ASTN2: variants seen among roughly 807,000 people sequenced by gnomAD.
The protein encoded by ASTN2 is astrotactin-2.
In ASTN2, 54 loss-of-function variants were observed where a neutral mutation model predicts 139.8. The ratio of observed to expected loss-of-function variants is 0.39; its 90% CI spans 0.31 to 0.48. The LOEUF (loss-of-function observed/expected upper bound fraction) is 0.48. Ranked by LOEUF, ASTN2 falls within the 20% of genes least tolerant of loss-of-function variation. The pLI is 0.95. For synonymous variants in ASTN2, 756 were observed against 719.5 expected, an observed-to-expected ratio of 1.05 and a Z score of -0.81; for missense variants, 1,565 against 1,725.1, an observed-to-expected ratio of 0.91 and a Z score of 1.64.
At chr9:116,768,570 G>A (rs10983343) in intron 13 of ASTN2, among the ~76,000 whole-genome samples, 71,883 of 152,038 alleles carry the variant, frequency 0.47, 17,225 homozygotes, top group South Asian at 0.59. Context: ...TGTCCCTGAT[G>A]AATTAATCTG....
chr9:116,444,940 T>G (rs1197134444), intron 20 of ASTN2, among the ~76,000 whole-genome samples: 6 of 151,652 alleles, frequency 4.0e-5, no homozygotes, highest in Non-Finnish European at 8.8e-5. Context: ...TTTAAGGAGG[T>G]GAGAGTAAGC....
intron 2 of ASTN2, among the ~76,000 whole-genome samples, chr9:117,275,694 T>A (rs1587901852): frequency 1.3e-5 from 2 of 151,806 alleles, no homozygotes; most frequent in Non-Finnish European, 2.9e-5. Flanking sequence ...GCCTCCCAAG[T>A]AGCTGTGATT....
chr9:116,673,882 T>A (rs803901), intron 16 of ASTN2, among the ~76,000 whole-genome samples: 117,081 of 152,162 alleles, frequency 0.77, 45,701 homozygotes, highest in African/African-American at 0.89. Flanking sequence ...CCACCTTTGC[T>A]AAACTATGAC....
rs559795384 is a variant in ASTN2 at position 117,041,375 on chromosome 9, A to G, written c.1277-1410T>C. ...TAATAACACGTTCAAAACAGGGTACATTATCTTCTCCTTAAAGCCTCCCCC... is the reference window on the plus strand; with the variant it reads ...TAATAACACGTTCAAAACAGGGTACGTTATCTTCTCCTTAAAGCCTCCCCC... On this transcript the variant is annotated intron_variant, in intron 5 of 22. Transcript: ENST00000313400. 1.1e-4 allele frequency among the ~76,000 whole-genome samples: 17 copies of G among 152,184 alleles called. No homozygotes were observed. In the South Asian group the frequency reaches 1.2e-3, roughly 11 times the overall value.
At chr9:117,193,592 G>A (rs1831405472) in intron 3 of ASTN2, among the ~76,000 whole-genome samples, 1 of 141,002 alleles carries the variant, frequency 7.1e-6, no homozygotes, top group Non-Finnish European at 1.5e-5. Flanking sequence ...AAGCCAAGAT[G>A]GTGCTACTAC....
chr9:116,737,610 CGTGTGT>C (rs57891581), intron 13 of ASTN2, among the ~76,000 whole-genome samples: 17,246 of 137,256 alleles, frequency 0.13, 1,279 homozygotes, highest in Non-Finnish European at 0.18. Context: ...CATGTGCCAA[CGTGTGT>C]GTGTGTGTGT....
At chr9:116,616,613 ATTTG>A (rs148643376) in intron 19 of ASTN2, among the ~76,000 whole-genome samples, 1,710 of 152,138 alleles carry the variant, frequency 0.011, 25 homozygotes, top group African/African-American at 0.039. Context: ...ATTGTTTTTT[ATTTG>A]TTTGTTTTAA....
At chr9:116,836,448 G>C (rs1831994713) in intron 11 of ASTN2, among the ~76,000 whole-genome samples, 1 of 152,118 alleles carries the variant, frequency 6.6e-6, no homozygotes, top group African/African-American at 2.4e-5. Context: ...CCATGGGGAG[G>C]GGTGTGTTCA....
At chr9:116,477,571 AG>A (rs1247189538) in intron 20 of ASTN2, among the ~76,000 whole-genome samples, 1 of 149,088 alleles carries the variant, frequency 6.7e-6, no homozygotes, top group African/African-American at 2.5e-5. Flanking sequence ...TGGGTGTCGG[AG>A]GAGGAAAGTG....
chr9:116,812,446 G>A (rs889869909), intron 12 of ASTN2, among the ~76,000 whole-genome samples: 1 of 152,182 alleles, frequency 6.6e-6, no homozygotes, highest in African/African-American at 2.4e-5. Context: ...CGGACCATGA[G>A]TCAATGAATG....
intron 6 of ASTN2, among the ~76,000 whole-genome samples, chr9:117,022,813 G>C (rs966117698): frequency 1.3e-5 from 2 of 152,110 alleles, no homozygotes; most frequent in Non-Finnish European, 2.9e-5. Flanking sequence ...ATGGTGGATG[G>C]AATCAGAGTG....
intron 4 of ASTN2, among the ~76,000 whole-genome samples, chr9:117,116,581 T>TG (rs1748816844): frequency 3.2e-5 from 1 of 31,446 alleles, no homozygotes; most frequent in African/African-American, 2.5e-4. Flanking sequence ...CATCAAAAGT[T>TG]TTTTTTTTTT....
At chr9:117,120,016 GTGTA>G (rs1564435458) in intron 4 of ASTN2, among the ~76,000 whole-genome samples, 2 of 33,822 alleles carry the variant, frequency 5.9e-5, no homozygotes, top group African/African-American at 1.5e-4. Context: ...GTGTGTGTGT[GTGTA>G]TATATATATA....
intron 16 of ASTN2, among the ~76,000 whole-genome samples, chr9:116,709,664 T>C (rs766447313): frequency 9.2e-5 from 14 of 152,204 alleles, no homozygotes; most frequent in African/African-American, 1.4e-4. Context: ...CATATATATA[T>C]ACTTATACTC....
intron 19 of ASTN2, among the ~76,000 whole-genome samples, chr9:116,524,756 A>C (rs540766123): frequency 6.6e-6 from 1 of 152,266 alleles, no homozygotes; most frequent in African/African-American, 2.4e-5. Context: ...CTTTCACATG[A>C]AAGTTGGCAT....
intron 7 of ASTN2, among the ~76,000 whole-genome samples, chr9:116,992,783 A>G (rs1291456234): frequency 6.6e-6 from 1 of 151,560 alleles, no homozygotes; most frequent in Non-Finnish European, 1.5e-5. Context: ...GTTCACCAGA[A>G]CCTCCCTGGG....
At chr9:116,751,814 G>T (rs1415921089) in intron 13 of ASTN2, among the ~76,000 whole-genome samples, 3 of 151,960 alleles carry the variant, frequency 2.0e-5, no homozygotes, top group Admixed American at 2.0e-4. Flanking sequence ...ATACATAGAA[G>T]ATCTATATAA....
intron 13 of ASTN2, among the ~76,000 whole-genome samples, chr9:116,800,226 T>A (rs1830808435): frequency 6.6e-6 from 1 of 152,132 alleles, no homozygotes; most frequent in Admixed American, 6.5e-5. Context: ...TTCACTGCTC[T>A]ACATCTCTTC....
At chr9:117,199,505 C>T (rs10818013) in intron 3 of ASTN2, among the ~76,000 whole-genome samples, 54,953 of 151,940 alleles carry the variant, frequency 0.36, 10,024 homozygotes, top group East Asian at 0.43. Flanking sequence ...ATCAGTACCA[C>T]GCTGTTTTGG....
Sources: allele counts gnomAD v4.1 joint callset (sites outside exome capture counted in the v4.1 genomes callset), GRCh38; gene constraint gnomAD v4.1.1; transcripts MANE v1.5; gene names NCBI Gene and HGNC (gene_info 2026-07-23, HGNC 2026-07-21).